CA1: variants seen among roughly 807,000 people sequenced by gnomAD.
The protein encoded by CA1 is carbonate dehydratase I.
A neutral mutation model predicts 28.8 loss-of-function variants in CA1; 27 were observed. The ratio of observed to expected loss-of-function variants is 0.94; its 90% CI spans 0.69 to 1.29. CA1 has a LOEUF of 1.29. CA1 is among the 50% of genes most tolerant of loss of function. CA1 has a pLI of 0.00. For missense variants in CA1, 335 were observed against 310.5 expected (o/e 1.08, Z -0.59); for synonymous variants, 121 against 108.8 (o/e 1.11, Z -0.70).
At chr8:85,352,164 A>G (rs953168155) in intron 1 of CA1, among the ~76,000 whole-genome samples, 1 of 152,140 alleles carries the variant, frequency 6.6e-6, no homozygotes, top group Non-Finnish European at 1.5e-5. Context: ...AAATCATTCA[A>G]CCTAACCTCA....
At chr8:85,344,296 T>A (rs1407411374) in intron 1 of CA1, among the ~76,000 whole-genome samples, 38 of 56,088 alleles carry the variant, frequency 6.8e-4, no homozygotes, top group Non-Finnish European at 3.8e-4. Context: ...ATACAGTATA[T>A]AATATAATTA....
At chr8:85,358,690 A>C (rs973315266) in intron 1 of CA1, among the ~76,000 whole-genome samples, 6 of 152,222 alleles carry the variant, frequency 3.9e-5, no homozygotes, top group African/African-American at 1.4e-4. Context: ...GGGCATGGCC[A>C]CATGACTTAT....
chr8:85,339,467 C>T (rs1808824082), intron 2 of CA1, among the ~76,000 whole-genome samples: 2 of 152,164 alleles, frequency 1.3e-5, no homozygotes, highest in African/African-American at 4.8e-5. Flanking sequence ...TATTCCCCAT[C>T]TATCTCCCTC....
chr8:85,365,487 G>A (rs771528308), intron 1 of CA1, among the ~76,000 whole-genome samples: 9 of 152,288 alleles, frequency 5.9e-5, no homozygotes, highest in Non-Finnish European at 1.2e-4. Context: ...CACATTGCAG[G>A]CTGGGGAAGC....
At chr8:85,341,695 C>T (rs1179904032) in intron 1 of CA1, 36 bp from the exon 2 acceptor site, 9 of 1,140,748 alleles carry the variant, frequency 7.9e-6, no homozygotes, top group Non-Finnish European at 1.1e-5. Context: ...TAACTAACTG[C>T]AACTGTGCAT....
intron 1 of CA1, among the ~76,000 whole-genome samples, chr8:85,368,161 G>GTAA (rs921493934): frequency 2.6e-5 from 4 of 151,278 alleles, no homozygotes; most frequent in Non-Finnish European, 5.9e-5. Context: ...ATTTAAAATA[G>GTAA]TAATAATAAT....
At chr8:85,347,165 A>G (rs577334511) in intron 1 of CA1, among the ~76,000 whole-genome samples, 29 of 152,332 alleles carry the variant, frequency 1.9e-4, no homozygotes, top group African/African-American at 6.7e-4. Context: ...CAAAGATTAG[A>G]TTTCTAAAAT....
intron 1 of CA1, among the ~76,000 whole-genome samples, chr8:85,344,606 C>A (rs971793618): frequency 6.6e-6 from 1 of 151,506 alleles, no homozygotes; most frequent in Non-Finnish European, 1.5e-5. Context: ...ATTTTAAAAT[C>A]AAAAACATGA....
intron 1 of CA1, among the ~76,000 whole-genome samples, chr8:85,354,130 ATT>A (rs111936911): frequency 9.4e-5 from 13 of 137,756 alleles, no homozygotes; most frequent in Admixed American, 1.5e-4. Context: ...CACCCAGCTA[ATT>A]TTTTTTTTTT....
At chr8:85,343,546 C>T (rs954535704) in intron 1 of CA1, among the ~76,000 whole-genome samples, 3 of 152,170 alleles carry the variant, frequency 2.0e-5, no homozygotes, top group African/African-American at 7.2e-5. Context: ...GTGACAGGAG[C>T]AGGCTACCCC....
At position 85,338,477 on chromosome 8, in the gene CA1, A is replaced by G. The variant is rs532628802; in HGVS notation, c.38-28T>C. On this transcript the variant is annotated intron_variant, in intron 2 of 7. Transcript: ENST00000523022. ...ACCAGGACAAACACGTGTAAAATCA[A>G]TGTCTTATCAAATGCTTGATTCCAA... 2.7e-4 allele frequency: 421 copies of G among 1,583,884 alleles called. 3 individuals carry two copies. The South Asian group carries it at 4.4e-3, about 17-fold the overall frequency.
At chr8:85,345,631 G>A (rs1043372184) in intron 1 of CA1, among the ~76,000 whole-genome samples, 4 of 152,154 alleles carry the variant, frequency 2.6e-5, no homozygotes, top group African/African-American at 9.7e-5. Context: ...TTTTAAAGAT[G>A]TAGAAGAGCA....
At chr8:85,358,544 C>A (rs1454467804) in intron 1 of CA1, among the ~76,000 whole-genome samples, 1 of 152,072 alleles carries the variant, frequency 6.6e-6, no homozygotes, top group Non-Finnish European at 1.5e-5. Context: ...TATGCAAAGA[C>A]CTTAAAGCAA....
intron 7 of CA1, among the ~76,000 whole-genome samples, chr8:85,329,254 A>G (rs537442426): frequency 1.3e-5 from 2 of 152,318 alleles, no homozygotes; most frequent in Admixed American, 1.3e-4. Context: ...ACCATTATTA[A>G]CAACAGTTAA....
intron 3 of CA1, chr8:85,337,949 G>C: frequency 2.1e-6 from 1 of 476,098 alleles, no homozygotes; most frequent in Non-Finnish European, 3.8e-6. Flanking sequence ...TGGTTCACTA[G>C]ACCTTTCTGG....
chr8:85,333,626 A>C lies in CA1; in HGVS notation c.355-6T>G. On this transcript the variant is annotated splice_region_variant and splice_polypyrimidine_tract_variant and intron_variant, in intron 4 of 7. Transcript: ENST00000523022. ...TTCCAGTGAGCTACGTGAAGCTAAA[A>C]ATGATACTATGGTTAATTAATTATT... 3 of 1,566,638 alleles carry C rather than the reference A, an allele frequency of 1.9e-6. No individual in the cohort carries two copies. The South Asian group carries it at 3.3e-5, about 17-fold the overall frequency.
chr8:85,335,757 C>T (rs955484661), intron 4 of CA1, among the ~76,000 whole-genome samples: 1 of 152,124 alleles, frequency 6.6e-6, no homozygotes, highest in Admixed American at 6.6e-5. Flanking sequence ...AATTTAGGCT[C>T]TTAGTCCATT....
intron 5 of CA1, among the ~76,000 whole-genome samples, chr8:85,333,190 G>C (rs969584420): frequency 3.3e-5 from 5 of 151,910 alleles, no homozygotes; most frequent in African/African-American, 1.2e-4. Flanking sequence ...TTTCTTTCCT[G>C]ATGAGACATT....
In CA1 at chr8:85,328,585, C is replaced by T. The variant is rs775501788; in HGVS notation, c.761G>A (p.Gly254Asp). 6.2e-6 allele frequency: 10 copies of T among 1,608,776 alleles called. No individual in the cohort carries two copies. In the African/African-American group the frequency reaches 1.1e-4, roughly 17 times the overall value. The change falls in exon 8 of 8, where the codon GGC becomes GAC. Residue 254 changes from glycine to aspartate, a missense_variant. Gly to Asp is a moderately conservative substitution (Grantham distance 94). Coordinates refer to ENST00000523022, the MANE Select transcript of CA1 (RefSeq NM_001128831.4). ...TCAAAATGAAGCTCTCACTGTTCTG[C>T]CCTTCAGAGGTTGGGTTGGGCGGTT... ...HNNRPTQPLK[G>D]RTVRASF is the part of the protein sequence containing the mutation.
Sources: allele counts gnomAD v4.1 joint callset (sites outside exome capture counted in the v4.1 genomes callset), GRCh38; gene constraint gnomAD v4.1.1; transcripts MANE v1.5; gene names NCBI Gene and HGNC (gene_info 2026-07-23, HGNC 2026-07-21).